CYSLTR2: variants seen among roughly 807,000 people sequenced by gnomAD.
The protein encoded by CYSLTR2 is G-protein coupled receptor GPCR21.
For synonymous variants in CYSLTR2, 179 were observed against 160.8 expected (o/e 1.11, Z -0.86); for missense variants, 398 against 411.9 (o/e 0.97, Z 0.29).
intron 1 of CYSLTR2, among the ~76,000 whole-genome samples, chr13:48,668,796 C>G (rs1020652893): frequency 2.6e-5 from 4 of 152,010 alleles, no homozygotes; most frequent in African/African-American, 9.7e-5. Context: ...TGTGATGTTC[C>G]CACTCCCCTG....
intron 1 of CYSLTR2, among the ~76,000 whole-genome samples, chr13:48,686,969 T>C (rs1953908648): frequency 2.0e-5 from 3 of 152,182 alleles, no homozygotes. Context: ...CAGTGGACTG[T>C]GTGGGGAACT....
chr13:48,686,635 A>T (rs951754549), intron 1 of CYSLTR2, among the ~76,000 whole-genome samples: 2 of 152,210 alleles, frequency 1.3e-5, no homozygotes, highest in Non-Finnish European at 2.9e-5. Flanking sequence ...GCTGCTCCGT[A>T]GTATTTATAC....
intron 1 of CYSLTR2, among the ~76,000 whole-genome samples, chr13:48,654,306 A>AGTGT (rs372670890): frequency 1.6e-3 from 65 of 40,572 alleles, no homozygotes; most frequent in South Asian, 3.8e-3. Context: ...TGTGTGTGTG[A>AGTGT]GTGTGTGTGT....
intron 1 of CYSLTR2, among the ~76,000 whole-genome samples, chr13:48,672,403 C>T (rs1049549211): frequency 1.4e-4 from 22 of 152,044 alleles, no homozygotes; most frequent in African/African-American, 4.8e-4. Flanking sequence ...CCTGCTTTCT[C>T]CTGTGGGCAT....
intron 1 of CYSLTR2, among the ~76,000 whole-genome samples, chr13:48,673,051 C>A (rs1953485176): frequency 1.3e-5 from 2 of 152,108 alleles, no homozygotes; most frequent in African/African-American, 2.4e-5. Flanking sequence ...AGAATAAGTG[C>A]AATGTGGTGC....
At position 48,691,615 on chromosome 13, in the gene CYSLTR2, A is replaced by T. The variant is rs1035461137; in HGVS notation, c.-176+314A>T. On this transcript the variant is annotated intron_variant, in intron 2 of 4. Transcript: ENST00000682523. ...CTAATGAAAGACTGAAATAAACAAT[A>T]GATTTTTTGATGAGTCCCATGTCAT... is the stretch of plus-strand genomic sequence containing the variant. 4.6e-5 allele frequency among the ~76,000 whole-genome samples: 7 copies of T among 152,060 alleles called. No individual in the cohort carries two copies. The South Asian group carries it at 6.2e-4, about 13-fold the overall frequency.
intron 1 of CYSLTR2, among the ~76,000 whole-genome samples, chr13:48,684,116 G>A (rs928280387): frequency 2.0e-5 from 3 of 151,458 alleles, no homozygotes; most frequent in Admixed American, 1.3e-4. Flanking sequence ...TAGAGATCGG[G>A]GGGGGTCTCA....
Position 48,710,886 on chromosome 13 carries a change from A to G in CYSLTR2, c.*3028A>G, listed in dbSNP as rs942886727. On this transcript the variant is annotated 3_prime_UTR_variant, in exon 5 of 5. Coordinates refer to ENST00000682523, the MANE Select transcript of CYSLTR2 (RefSeq NM_001308476.3). ...AGATAAGGGGGTGCTGCTGGAGTGA[A>G]ATACTGTGATATAACCTTTTTTTCA... 2 of 152,182 alleles carry G rather than the reference A, an allele frequency of 1.3e-5. No homozygotes were observed. The highest frequency in any genetic ancestry group is 2.9e-5 in the Non-Finnish European group (2 of 68,042). 9.4% of individuals were successfully genotyped at this position (152,182 alleles called of 1,614,324 possible).
At chr13:48,700,669 C>A (rs941831336) in intron 4 of CYSLTR2, among the ~76,000 whole-genome samples, 2 of 152,202 alleles carry the variant, frequency 1.3e-5, no homozygotes, top group African/African-American at 4.8e-5. Context: ...CTGGCCAGGG[C>A]AATCAGGCAA....
Position 48,708,063 on chromosome 13 carries a change from G to GA in CYSLTR2, c.*210dup, listed in dbSNP as rs2139016427. 2.3e-6 allele frequency: 1 copy of GA among 443,516 alleles called. No individual in the cohort carries two copies. Among genetic ancestry groups the GA allele is most frequent in the Non-Finnish European group, 4.0e-6 (1 of 246,924 alleles). 27.5% of individuals were successfully genotyped at this position (443,516 alleles called of 1,614,324 possible). ...TGAGTCTTAATGAGGGATACAGGAGGAAAAATCCCTACTAGAGTCCTGTGG... is the reference window on the plus strand; with the variant it reads ...TGAGTCTTAATGAGGGATACAGGAGGAAAAAATCCCTACTAGAGTCCTGTGG... On this transcript the variant is annotated 3_prime_UTR_variant, in exon 5 of 5. Coordinates refer to ENST00000682523, the MANE Select transcript of CYSLTR2 (RefSeq NM_001308476.3).
chr13:48,655,466 G>A (rs1312937895), intron 1 of CYSLTR2, among the ~76,000 whole-genome samples: 1 of 152,166 alleles, frequency 6.6e-6, no homozygotes, highest in Non-Finnish European at 1.5e-5. Flanking sequence ...TGCCAGGGCT[G>A]CGTTCTGGTT....
chr13:48,678,874 T>C (rs1358666507), intron 1 of CYSLTR2, among the ~76,000 whole-genome samples: 1 of 152,102 alleles, frequency 6.6e-6, no homozygotes, highest in Non-Finnish European at 1.5e-5. Context: ...CTGTGCAGCC[T>C]CTCTGTTCTG....
chr13:48,696,963 G>C (rs950661907), intron 4 of CYSLTR2, among the ~76,000 whole-genome samples: 2 of 152,186 alleles, frequency 1.3e-5, no homozygotes, highest in African/African-American at 4.8e-5. Context: ...GGCTTGGGGA[G>C]GGGCATCCAC....
intron 1 of CYSLTR2, among the ~76,000 whole-genome samples, chr13:48,663,790 T>C (rs552531119): frequency 6.6e-6 from 1 of 152,208 alleles, no homozygotes; most frequent in South Asian, 2.1e-4. Flanking sequence ...CAATTTGACT[T>C]CTTTCTCTTG....
intron 1 of CYSLTR2, among the ~76,000 whole-genome samples, chr13:48,687,020 C>T (rs1953909836): frequency 6.6e-6 from 1 of 152,088 alleles, no homozygotes; most frequent in African/African-American, 2.4e-5. Context: ...TGGCTTGGGG[C>T]CAGAATAGAG....
intron 1 of CYSLTR2, among the ~76,000 whole-genome samples, chr13:48,671,231 A>G (rs1270920431): frequency 2.6e-5 from 4 of 152,234 alleles, no homozygotes; most frequent in East Asian, 1.9e-4. Flanking sequence ...AACAGAAACA[A>G]TTGGACTTCC....
At chr13:48,659,300 C>T (rs769446039) in intron 1 of CYSLTR2, among the ~76,000 whole-genome samples, 4 of 152,164 alleles carry the variant, frequency 2.6e-5, no homozygotes, top group Non-Finnish European at 4.4e-5. Context: ...CTGGCTGTCA[C>T]CTGTGCTGCC....
intron 1 of CYSLTR2, among the ~76,000 whole-genome samples, chr13:48,672,594 T>G (rs1004546079): frequency 1.4e-5 from 2 of 141,556 alleles, no homozygotes; most frequent in African/African-American, 5.0e-5. Flanking sequence ...TGGTTTTGAG[T>G]GAGTTTCTTT....
rs561337331 is a variant in CYSLTR2, at chr13:48,697,470, A to G, written c.-2+844A>G. ...GGTCCTGACTGTTAGAAGGAAAACTAACAAACAGAAAGGACATCCACACCA... is the reference window on the plus strand; with the variant it reads ...GGTCCTGACTGTTAGAAGGAAAACTGACAAACAGAAAGGACATCCACACCA... On this transcript the variant is annotated intron_variant, in intron 4 of 4. Transcript: ENST00000682523. Among the ~76,000 whole-genome samples, 7 of 152,286 alleles carry G rather than the reference A, an allele frequency of 4.6e-5. No individual in the cohort carries two copies. The South Asian group carries it at 1.5e-3, about 32-fold the overall frequency.
Sources: gnomAD v4.1 joint callset for allele counts (sites outside exome capture counted in the v4.1 genomes callset) on GRCh38, gnomAD v4.1.1 for gene constraint, MANE v1.5 for transcripts, NCBI Gene and HGNC (gene_info 2026-07-23, HGNC 2026-07-21) for gene names.